CDK14: variants seen among roughly 807,000 people sequenced by gnomAD.
CDK14 encodes the protein cyclin dependent kinase 14.
Under a neutral mutation model 60.7 loss-of-function variants are expected in CDK14, and 34 were observed. The observed-to-expected ratio is 0.56, with a 90% CI of 0.43 to 0.75. The LOEUF is 0.75. Among genes scored for constraint, CDK14 ranks in the 30% least tolerant of loss-of-function variants. The probability of loss-of-function intolerance (pLI) is 0.00; values close to 1 mark genes in which losing one functional copy is unlikely to be tolerated. For missense variants in CDK14, 482 were observed against 564.1 expected (o/e 0.85, Z 1.47); for synonymous variants, 197 against 203.7 (o/e 0.97, Z 0.28).
chr7:91,109,639 T>G (rs1179099172), intron 12 of CDK14, among the ~76,000 whole-genome samples: 1 of 152,072 alleles, frequency 6.6e-6, no homozygotes, highest in Non-Finnish European at 1.5e-5. Flanking sequence ...GGACTAAACT[T>G]TCTCCTTGAG....
intron 12 of CDK14, among the ~76,000 whole-genome samples, chr7:91,091,481 G>A (rs1445164193): frequency 2.0e-5 from 2 of 100,858 alleles, no homozygotes; most frequent in Non-Finnish European, 1.9e-5. Context: ...ATACATATAT[G>A]TATATGTAGT....
At chr7:90,691,540 A>T (rs34582248) in intron 2 of CDK14, among the ~76,000 whole-genome samples, 26,825 of 152,076 alleles carry the variant, frequency 0.18, 2,520 homozygotes, top group Non-Finnish European at 0.2. Flanking sequence ...CACGAGCTAC[A>T]TTGCACAGGG....
chr7:90,780,395 T>C (rs746567056), intron 4 of CDK14, among the ~76,000 whole-genome samples: 28 of 151,776 alleles, frequency 1.8e-4, no homozygotes, highest in Non-Finnish European at 3.4e-4. Context: ...TTAAAACTTA[T>C]AAATTTATTT....
At chr7:90,879,259 A>G (rs954825943) in intron 6 of CDK14, among the ~76,000 whole-genome samples, 13 of 152,198 alleles carry the variant, frequency 8.5e-5, no homozygotes, top group African/African-American at 2.9e-4. Context: ...TTATGTGTAT[A>G]CTACACCATA....
chr7:91,013,105 G>A (rs748685817), intron 10 of CDK14, among the ~76,000 whole-genome samples: 1 of 152,144 alleles, frequency 6.6e-6, no homozygotes, highest in Non-Finnish European at 1.5e-5. Context: ...AGTGGGAGAG[G>A]CAACAGGTTA....
chr7:90,700,426 C>A (rs186566242), intron 2 of CDK14, among the ~76,000 whole-genome samples: 1 of 152,080 alleles, frequency 6.6e-6, no homozygotes, highest in Non-Finnish European at 1.5e-5. Flanking sequence ...ATGTTCAAAC[C>A]GTACTTGGAG....
At chr7:90,818,325 CG>C in intron 5 of CDK14, among the ~76,000 whole-genome samples, 1 of 152,232 alleles carries the variant, frequency 6.6e-6, no homozygotes, top group East Asian at 1.9e-4. Context: ...TTACATCACA[CG>C]ATGGAAAAAT....
rs192206696 is a variant in CDK14 at position 90,660,217 on chromosome 7, C to A, written c.123+55968C>A. ...TAAGAGCATAGATTGGAGCATCACACCCCCTGGGGTCAAATATTGGCTCTA... is the reference window on the plus strand; with the variant it reads ...TAAGAGCATAGATTGGAGCATCACAACCCCTGGGGTCAAATATTGGCTCTA... On this transcript the variant is annotated intron_variant, in intron 2 of 14. Coordinates refer to ENST00000380050, the MANE Select transcript of CDK14 (RefSeq NM_001287135.2). Among the ~76,000 whole-genome samples, 4 of 152,170 alleles carry A rather than the reference C, an allele frequency of 2.6e-5. No individual in the cohort carries two copies. The South Asian group carries it at 8.3e-4, about 32-fold the overall frequency.
chr7:90,965,059 C>A (rs1180578732), intron 9 of CDK14, among the ~76,000 whole-genome samples: 1 of 152,166 alleles, frequency 6.6e-6, no homozygotes, highest in African/African-American at 2.4e-5. Context: ...CGTCTCCTTT[C>A]CTCAGCCATG....
At chr7:91,081,458 A>G (rs1188582649) in intron 12 of CDK14, among the ~76,000 whole-genome samples, 1 of 152,234 alleles carries the variant, frequency 6.6e-6, no homozygotes, top group African/African-American at 2.4e-5. Flanking sequence ...AATTTGCAAG[A>G]ACTAATTTGA....
chr7:91,008,180 AT>A (rs1294706014), intron 10 of CDK14, among the ~76,000 whole-genome samples: 1 of 149,844 alleles, frequency 6.7e-6, no homozygotes, highest in Non-Finnish European at 1.5e-5. Flanking sequence ...TGGAGGCAGC[AT>A]TCGTTGCAGT....
At chr7:91,109,512 A>G (rs1016170227) in intron 12 of CDK14, among the ~76,000 whole-genome samples, 2 of 152,168 alleles carry the variant, frequency 1.3e-5, no homozygotes, top group African/African-American at 4.8e-5. Flanking sequence ...TATCTAAAAT[A>G]AACCCAATCC....
chr7:91,154,480 A>G (rs750180833), intron 14 of CDK14, among the ~76,000 whole-genome samples: 4 of 152,120 alleles, frequency 2.6e-5, no homozygotes, highest in Non-Finnish European at 4.4e-5. Flanking sequence ...AAGCCAACAG[A>G]TATGGATAAT....
intron 9 of CDK14, among the ~76,000 whole-genome samples, chr7:90,957,275 T>G (rs1026236229): frequency 2.4e-4 from 37 of 152,254 alleles, no homozygotes; most frequent in Non-Finnish European, 4.1e-4. Context: ...CTCCAGCACC[T>G]GTTGTTTCCT....
intron 5 of CDK14, among the ~76,000 whole-genome samples, chr7:90,858,914 T>C (rs1032375487): frequency 3.9e-5 from 6 of 152,348 alleles, no homozygotes; most frequent in African/African-American, 1.2e-4. Flanking sequence ...TACTAAACTC[T>C]GTGGTAAATG....
At chr7:90,892,172 G>A (rs1792152539) in intron 6 of CDK14, among the ~76,000 whole-genome samples, 1 of 152,178 alleles carries the variant, frequency 6.6e-6, no homozygotes, top group African/African-American at 2.4e-5. Context: ...TTGACCCAAG[G>A]TCAGATTCAA....
chr7:90,949,452 A>G (rs1794191934), intron 8 of CDK14, among the ~76,000 whole-genome samples: 1 of 151,916 alleles, frequency 6.6e-6, no homozygotes, highest in Non-Finnish European at 1.5e-5. Context: ...TCCACCTGCC[A>G]TGGCCTCCTA....
intron 12 of CDK14, among the ~76,000 whole-genome samples, chr7:91,081,300 A>G (rs1228911567): frequency 1.3e-5 from 2 of 152,224 alleles, no homozygotes; most frequent in African/African-American, 4.8e-5. Context: ...TGAGATCAGA[A>G]TTCAAAAGAA....
intron 2 of CDK14, among the ~76,000 whole-genome samples, chr7:90,646,148 A>G (rs759508429): frequency 4.3e-4 from 65 of 152,160 alleles, no homozygotes; most frequent in Non-Finnish European, 7.2e-4. Context: ...CAGTAATTCC[A>G]TCATATTTCT....
Sources: allele counts gnomAD v4.1 joint callset (sites outside exome capture counted in the v4.1 genomes callset), GRCh38; gene constraint gnomAD v4.1.1; transcripts MANE v1.5; gene names NCBI Gene and HGNC (gene_info 2026-07-23, HGNC 2026-07-21).